The following PMFBP1 variants were observed in gnomAD, a reference collection of about 807,000 sequenced individuals.
The protein encoded by PMFBP1 is polyamine modulated factor 1 binding protein 1.
PMFBP1 carries 131 observed loss-of-function variants against 137.8 expected under a neutral mutation model. That is an observed-to-expected ratio of 0.95 (90% CI 0.82 to 1.10). The LOEUF (loss-of-function observed/expected upper bound fraction) is 1.10, where lower values mean the gene tolerates loss of function less well. Among genes scored for constraint, PMFBP1 ranks in the 50% least tolerant of loss-of-function variants. The pLI is 0.00. For synonymous variants in PMFBP1, 490 were observed against 450.4 expected (o/e 1.09, Z -1.11); for missense variants, 1,199 against 1,175.4 (o/e 1.02, Z -0.29).
At chr16:72,217,075 C>G in the PMFBP1 span, among the ~76,000 whole-genome samples, 1 of 152,160 alleles carries the variant, frequency 6.6e-6, no homozygotes, top group Non-Finnish European at 1.5e-5. Context: ...ACGTGGTTCT[C>G]TCTTTCTTGG....
the PMFBP1 span, among the ~76,000 whole-genome samples, chr16:72,235,525 A>G: frequency 4.8e-5 from 7 of 145,402 alleles, no homozygotes; most frequent in Non-Finnish European, 3.0e-5. Flanking sequence ...CTGTATGCAT[A>G]TTAGTATCAG....
chr16:72,144,077 A>T (rs2042765581), intron 5 of PMFBP1, among the ~76,000 whole-genome samples: 1 of 152,122 alleles, frequency 6.6e-6, no homozygotes, highest in Admixed American at 6.6e-5. Context: ...TGTATAAAAG[A>T]TCCCATTTAT....
At chr16:72,228,918 T>A in the PMFBP1 span, among the ~76,000 whole-genome samples, 3 of 151,518 alleles carry the variant, frequency 2.0e-5, no homozygotes, top group Non-Finnish European at 4.4e-5. Flanking sequence ...GTAAACTGGG[T>A]GGCATGGGGC....
At chr16:72,160,219 T>C (rs1319481638) in intron 3 of PMFBP1, among the ~76,000 whole-genome samples, 1 of 152,378 alleles carries the variant, frequency 6.6e-6, no homozygotes, top group East Asian at 1.9e-4. Flanking sequence ...CAATACTTTA[T>C]GCTTTTCAAG....
At chr16:72,198,549 C>T in the PMFBP1 span, among the ~76,000 whole-genome samples, 1 of 152,180 alleles carries the variant, frequency 6.6e-6, no homozygotes, top group Non-Finnish European at 1.5e-5. Flanking sequence ...AATGGCTGCA[C>T]GGTTTCTCTG....
At chr16:72,227,028 G>GT in the PMFBP1 span, among the ~76,000 whole-genome samples, 2 of 151,906 alleles carry the variant, frequency 1.3e-5, no homozygotes, top group African/African-American at 4.8e-5. Context: ...TCATGAAAAT[G>GT]TAACTAAACC....
At chr16:72,163,403 G>C (rs1214184965) in intron 3 of PMFBP1, among the ~76,000 whole-genome samples, 1 of 152,212 alleles carries the variant, frequency 6.6e-6, no homozygotes, top group Non-Finnish European at 1.5e-5. Flanking sequence ...CTCAGCTGAT[G>C]AACAGCCTAG....
the PMFBP1 span, among the ~76,000 whole-genome samples, chr16:72,207,684 C>T: frequency 6.8e-6 from 1 of 146,472 alleles, no homozygotes; most frequent in Non-Finnish European, 1.5e-5. Context: ...AGTCCAGGTT[C>T]CCCAGAGAAA....
At chr16:72,164,416 G>C in intron 3 of PMFBP1, 1 of 1,318,804 alleles carries the variant, frequency 7.6e-7, no homozygotes, top group South Asian at 1.2e-5. Context: ...TGACTTAGAA[G>C]TTTGTCTGAG....
chr16:72,238,329 T>C, the PMFBP1 span, among the ~76,000 whole-genome samples: 1 of 152,222 alleles, frequency 6.6e-6, no homozygotes, highest in African/African-American at 2.4e-5. Context: ...TTTGACTTTT[T>C]AATAATAGGC....
the PMFBP1 span, among the ~76,000 whole-genome samples, chr16:72,219,964 G>C: frequency 1.3e-5 from 2 of 152,168 alleles, no homozygotes; most frequent in East Asian, 3.8e-4. Flanking sequence ...CCAAAGAGGG[G>C]ACTTGTGGAG....
chr16:72,231,556 G>A, the PMFBP1 span, among the ~76,000 whole-genome samples: 1 of 152,146 alleles, frequency 6.6e-6, no homozygotes, highest in East Asian at 1.9e-4. Flanking sequence ...GAGACATGGT[G>A]TTTTAGATTA....
chr16:72,183,768 C>G, the PMFBP1 span, among the ~76,000 whole-genome samples: 1 of 152,136 alleles, frequency 6.6e-6, no homozygotes, highest in Non-Finnish European at 1.5e-5. Flanking sequence ...CTCTCCTGCC[C>G]TCCTCCAGCC....
At chr16:72,189,191 A>C in the PMFBP1 span, among the ~76,000 whole-genome samples, 4 of 152,120 alleles carry the variant, frequency 2.6e-5, no homozygotes, top group African/African-American at 9.7e-5. Flanking sequence ...TTTTCATTCT[A>C]CAGTTGAGGA....
chr16:72,206,470 A>G, the PMFBP1 span, among the ~76,000 whole-genome samples: 144 of 152,288 alleles, frequency 9.5e-4, 1 homozygote, highest in African/African-American at 3.2e-3. Flanking sequence ...CTGGCAGCTC[A>G]CCATCAGGAA....
At chr16:72,146,210 G>C (rs938656396) in intron 5 of PMFBP1, among the ~76,000 whole-genome samples, 1 of 152,106 alleles carries the variant, frequency 6.6e-6, no homozygotes, top group African/African-American at 2.4e-5. Context: ...GGATGCAAGG[G>C]TGGTTCAACA....
At chr16:72,192,075 T>C in the PMFBP1 span, among the ~76,000 whole-genome samples, 1 of 152,256 alleles carries the variant, frequency 6.6e-6, no homozygotes, top group African/African-American at 2.4e-5. Context: ...GTGGCATTCC[T>C]CTGACCCTTG....
At chr16:72,126,196 C>A in intron 14 of PMFBP1, 64 bp from the exon 15 acceptor site, 1 of 1,543,610 alleles carries the variant, frequency 6.5e-7, no homozygotes, top group Non-Finnish European at 8.8e-7. Flanking sequence ...ATTCTCTGTG[C>A]CTATAGGAAA....
At chr16:72,190,324 C>G in the PMFBP1 span, among the ~76,000 whole-genome samples, 1 of 152,072 alleles carries the variant, frequency 6.6e-6, no homozygotes, top group Non-Finnish European at 1.5e-5. Flanking sequence ...TGGCCTATAC[C>G]CAGGAATGAG....
Sources: gnomAD v4.1 joint callset for allele counts (sites outside exome capture counted in the v4.1 genomes callset) on GRCh38, gnomAD v4.1.1 for gene constraint, MANE v1.5 for transcripts, NCBI Gene and HGNC (gene_info 2026-07-23, HGNC 2026-07-21) for gene names.